Variants in OCA2 observed in about 807,000 individuals in gnomAD.
OCA2 encodes OCA2 melanosomal transmembrane protein, also known as P protein.
A neutral mutation model predicts 100.2 loss-of-function variants in OCA2; 77 were observed. The observed-to-expected ratio is 0.77, with a 90% CI of 0.64 to 0.93. The LOEUF (loss-of-function observed/expected upper bound fraction) is 0.93, where lower values mean the gene tolerates loss of function less well. Ranked by LOEUF, OCA2 falls within the 40% of genes least tolerant of loss-of-function variation. The pLI is 0.00. For missense variants in OCA2, 1,062 were observed against 1,089.1 expected (o/e 0.98, Z 0.35); for synonymous variants, 432 against 439.2 (o/e 0.98, Z 0.21).
At chr15:27,811,520 A>C in intron 23 of OCA2, among the ~76,000 whole-genome samples, 1 of 152,332 alleles carries the variant, frequency 6.6e-6, no homozygotes. Context: ...TGAAATAAAA[A>C]AAAATTAAAC....
At chr15:28,088,445 T>C (rs986070511) in intron 1 of OCA2, among the ~76,000 whole-genome samples, 2 of 152,200 alleles carry the variant, frequency 1.3e-5, no homozygotes, top group African/African-American at 4.8e-5. Flanking sequence ...TATACTTTAA[T>C]ACCTAGAACA....
chr15:27,883,586 T>A (rs2037109779), intron 19 of OCA2, among the ~76,000 whole-genome samples: 1 of 151,934 alleles, frequency 6.6e-6, no homozygotes, highest in South Asian at 2.1e-4. Context: ...GCGAGGGAGA[T>A]CAACGAGCAT....
chr15:28,041,048 A>T (rs1316994407), intron 2 of OCA2, among the ~76,000 whole-genome samples: 1 of 152,174 alleles, frequency 6.6e-6, no homozygotes, highest in Non-Finnish European at 1.5e-5. Context: ...CAAAGACACT[A>T]TACGAAAAGA....
intron 23 of OCA2, among the ~76,000 whole-genome samples, chr15:27,838,936 G>A (rs1337630624): frequency 6.6e-6 from 1 of 152,130 alleles, no homozygotes; most frequent in Non-Finnish European, 1.5e-5. Flanking sequence ...AAGGGCCAAT[G>A]GTGAGCATCC....
intron 2 of OCA2, among the ~76,000 whole-genome samples, chr15:28,051,258 G>A (rs1364863618): frequency 1.3e-5 from 2 of 152,206 alleles, no homozygotes; most frequent in African/African-American, 4.8e-5. Flanking sequence ...ACTACAGTTG[G>A]GAAATCTACA....
chr15:27,760,169 T>C (rs2030717010), intron 23 of OCA2, among the ~76,000 whole-genome samples: 1 of 151,940 alleles, frequency 6.6e-6, no homozygotes, highest in South Asian at 2.1e-4. Context: ...CAAGAGATTG[T>C]CACAAGGAAA....
intron 18 of OCA2, among the ~76,000 whole-genome samples, chr15:27,929,614 G>C (rs2039170180): frequency 6.6e-6 from 1 of 151,676 alleles, no homozygotes; most frequent in Non-Finnish European, 1.5e-5. Context: ...CATAATATAT[G>C]AAAAGAAAAA....
chr15:27,872,571 G>A (rs537052319), intron 19 of OCA2, among the ~76,000 whole-genome samples: 22 of 152,340 alleles, frequency 1.4e-4, no homozygotes, highest in East Asian at 9.6e-4. Context: ...AACAGGTGCC[G>A]GTGGCTCAGC....
intron 23 of OCA2, among the ~76,000 whole-genome samples, chr15:27,825,539 C>G (rs1233299646): frequency 2.6e-5 from 4 of 152,120 alleles, no homozygotes; most frequent in African/African-American, 9.7e-5. Flanking sequence ...CAAGCTGCCC[C>G]CTAGGAAAGG....
chr15:27,882,895 G>T (rs1448768614), intron 19 of OCA2, among the ~76,000 whole-genome samples: 1 of 152,174 alleles, frequency 6.6e-6, no homozygotes, highest in Non-Finnish European at 1.5e-5. Flanking sequence ...CTTCATGCCT[G>T]TCTAGCACAT....
chr15:28,032,413 G>T (rs1042228835), intron 2 of OCA2, among the ~76,000 whole-genome samples: 9 of 152,198 alleles, frequency 5.9e-5, no homozygotes, highest in Non-Finnish European at 8.8e-5. Flanking sequence ...ACTATGGGAT[G>T]ACACTTTTAG....
chr15:27,738,501 C>T, the OCA2 span, among the ~76,000 whole-genome samples: 3 of 152,088 alleles, frequency 2.0e-5, no homozygotes, highest in Non-Finnish European at 4.4e-5. Context: ...TTTGGGAGGC[C>T]GAGGCGGGCA....
the OCA2 span, among the ~76,000 whole-genome samples, chr15:27,741,836 T>C: frequency 2.6e-5 from 4 of 152,246 alleles, no homozygotes; most frequent in African/African-American, 7.2e-5. Flanking sequence ...ATTACTTTTA[T>C]TCAAATGTGT....
chr15:27,764,492 T>C (rs2031100097), intron 23 of OCA2, among the ~76,000 whole-genome samples: 1 of 152,166 alleles, frequency 6.6e-6, no homozygotes, highest in Non-Finnish European at 1.5e-5. Context: ...GCTCCCTTTT[T>C]ACAGACCAGG....
At chr15:27,832,433 T>C (rs577665191) in intron 23 of OCA2, among the ~76,000 whole-genome samples, 2 of 152,346 alleles carry the variant, frequency 1.3e-5, no homozygotes, top group African/African-American at 4.8e-5. Context: ...TCCAGCCTTT[T>C]TGCCCATCTA....
At chr15:28,034,865 CAAAT>C (rs2043004029) in intron 2 of OCA2, among the ~76,000 whole-genome samples, 1 of 151,928 alleles carries the variant, frequency 6.6e-6, no homozygotes, top group Non-Finnish European at 1.5e-5. Context: ...CTTTTTAACT[CAAAT>C]AAAACAAGTT....
At chr15:28,020,067 C>T (rs980969542) in intron 6 of OCA2, among the ~76,000 whole-genome samples, 5 of 152,184 alleles carry the variant, frequency 3.3e-5, no homozygotes, top group Admixed American at 3.3e-4. Flanking sequence ...TCTCTCTCTC[C>T]CTCTTCATCC....
intron 23 of OCA2, among the ~76,000 whole-genome samples, chr15:27,795,865 C>T (rs2033307950): frequency 6.6e-6 from 1 of 152,160 alleles, no homozygotes; most frequent in African/African-American, 2.4e-5. Context: ...GAGAAAGCTC[C>T]ACAAGTTACA....
At chr15:27,720,596 CA>C in the OCA2 span, among the ~76,000 whole-genome samples, 1 of 151,164 alleles carries the variant, frequency 6.6e-6, no homozygotes, top group Non-Finnish European at 1.5e-5. Context: ...CTAGGCTGAG[CA>C]AAAAATGAAT....
Sources: gnomAD v4.1 joint callset for allele counts (sites outside exome capture counted in the v4.1 genomes callset) on GRCh38, gnomAD v4.1.1 for gene constraint, MANE v1.5 for transcripts, NCBI Gene and HGNC (gene_info 2026-07-23, HGNC 2026-07-21) for gene names.